FHOD3: variants seen among roughly 807,000 people sequenced by gnomAD.
FHOD3 encodes the protein formin homology 2 domain containing 3, also known as FH1/FH2 domain-containing protein 3.
FHOD3 carries 90 observed loss-of-function variants against 173.0 expected under a neutral mutation model. The ratio of observed to expected loss-of-function variants is 0.52; its 90% CI spans 0.44 to 0.62. The LOEUF (loss-of-function observed/expected upper bound fraction) is 0.62. Among genes scored for constraint, FHOD3 ranks in the 20% least tolerant of loss-of-function variants. FHOD3 has a pLI of 0.00. For missense variants in FHOD3, 1,945 were observed against 2,034.7 expected (o/e 0.96, Z 0.85); for synonymous variants, 828 against 823.0 (o/e 1.01, Z -0.10).
intron 14 of FHOD3, among the ~76,000 whole-genome samples, chr18:36,675,226 A>C (rs1005544097): frequency 1.3e-5 from 2 of 152,000 alleles, no homozygotes; most frequent in African/African-American, 4.8e-5. Flanking sequence ...TGGCCATGCA[A>C]GTTCTTAGCT....
intron 20 of FHOD3, among the ~76,000 whole-genome samples, chr18:36,740,430 T>G (rs1444978115): frequency 6.6e-6 from 1 of 152,208 alleles, no homozygotes; most frequent in Non-Finnish European, 1.5e-5. Context: ...TTTTTCATCT[T>G]TCTCTCACCT....
chr18:36,704,171 T>TC (rs1400834827), intron 17 of FHOD3, among the ~76,000 whole-genome samples: 1 of 152,192 alleles, frequency 6.6e-6, no homozygotes, highest in African/African-American at 2.4e-5. Context: ...GCCCTTCTAT[T>TC]CCCCCTACCC....
At chr18:36,590,962 G>C (rs78516339) in intron 6 of FHOD3, among the ~76,000 whole-genome samples, 2,064 of 152,286 alleles carry the variant, frequency 0.014, 47 homozygotes, top group African/African-American at 0.047. Flanking sequence ...CCAGCTAATG[G>C]GGGGAGTGGG....
intron 19 of FHOD3, among the ~76,000 whole-genome samples, chr18:36,727,959 A>T (rs1274917905): frequency 1.3e-5 from 2 of 152,162 alleles, no homozygotes; most frequent in Non-Finnish European, 2.9e-5. Context: ...TTCCCAGGGA[A>T]TCCCTGCTGC....
chr18:36,388,523 C>A (rs2048136992), intron 3 of FHOD3, among the ~76,000 whole-genome samples: 6 of 152,142 alleles, frequency 3.9e-5, no homozygotes, highest in Admixed American at 3.9e-4. Flanking sequence ...CCCCAGGGGT[C>A]TTTTAGGATT....
chr18:36,752,935 C>G (rs1235579538), intron 24 of FHOD3, among the ~76,000 whole-genome samples: 7 of 152,074 alleles, frequency 4.6e-5, no homozygotes, highest in Non-Finnish European at 1.0e-4. Flanking sequence ...CTGTACTGTC[C>G]TATCCTAATA....
chr18:36,426,993 C>A (rs934994858), intron 3 of FHOD3, among the ~76,000 whole-genome samples: 1 of 152,108 alleles, frequency 6.6e-6, no homozygotes, highest in Non-Finnish European at 1.5e-5. Flanking sequence ...GTCTTCACAG[C>A]CTTTGCTTTT....
intron 6 of FHOD3, among the ~76,000 whole-genome samples, chr18:36,591,998 C>T (rs1445775920): frequency 6.6e-6 from 1 of 152,214 alleles, no homozygotes; most frequent in African/African-American, 2.4e-5. Context: ...GCAGGCAGAT[C>T]ACCTGAAGTC....
chr18:36,621,056 C>G (rs777188214), intron 9 of FHOD3, among the ~76,000 whole-genome samples: 3 of 152,164 alleles, frequency 2.0e-5, no homozygotes, highest in Non-Finnish European at 2.9e-5. Flanking sequence ...AACTCCATTT[C>G]AGAAGGGTGA....
At chr18:36,615,008 G>A (rs1238551530) in intron 9 of FHOD3, among the ~76,000 whole-genome samples, 3 of 151,838 alleles carry the variant, frequency 2.0e-5, no homozygotes, top group African/African-American at 4.8e-5. Flanking sequence ...GTGCCACCAC[G>A]CCCAGCTAAT....
intron 3 of FHOD3, among the ~76,000 whole-genome samples, chr18:36,466,047 C>A (rs1338410655): frequency 1.3e-5 from 2 of 152,072 alleles, no homozygotes; most frequent in Non-Finnish European, 2.9e-5. Context: ...GCCCTCTCAC[C>A]CACCCCCAAT....
At chr18:36,546,256 G>T (rs186660352) in intron 5 of FHOD3, among the ~76,000 whole-genome samples, 120 of 152,276 alleles carry the variant, frequency 7.9e-4, no homozygotes, top group African/African-American at 2.9e-3. Context: ...ACCACCCCTG[G>T]TATGTACTAA....
At chr18:36,630,369 A>C (rs2034424664) in intron 10 of FHOD3, among the ~76,000 whole-genome samples, 1 of 149,110 alleles carries the variant, frequency 6.7e-6, no homozygotes, top group Non-Finnish European at 1.5e-5. Flanking sequence ...TTTACAGTAG[A>C]GTCTTTTTTT....
At chr18:36,528,793 G>A (rs1018336337) in intron 5 of FHOD3, among the ~76,000 whole-genome samples, 3 of 152,316 alleles carry the variant, frequency 2.0e-5, no homozygotes, top group South Asian at 2.1e-4. Context: ...AGTGCTGAAC[G>A]ACGTTCGTTG....
chr18:36,698,925 G>T (rs1036245811), intron 17 of FHOD3, among the ~76,000 whole-genome samples: 4 of 152,170 alleles, frequency 2.6e-5, no homozygotes, highest in African/African-American at 9.7e-5. Flanking sequence ...GAGCCTTGGG[G>T]ACCTGAACTC....
chr18:36,448,333 A>G (rs567526492), intron 3 of FHOD3, among the ~76,000 whole-genome samples: 2 of 152,302 alleles, frequency 1.3e-5, no homozygotes, highest in East Asian at 3.9e-4. Flanking sequence ...GCCCAAAACA[A>G]TGGATGTGTA....
At chr18:36,704,743 AG>A (rs1439844016) in intron 17 of FHOD3, among the ~76,000 whole-genome samples, 1 of 152,124 alleles carries the variant, frequency 6.6e-6, no homozygotes, top group Non-Finnish European at 1.5e-5. Flanking sequence ...AGAGATCGTG[AG>A]GGCTTCGGAA....
intron 3 of FHOD3, among the ~76,000 whole-genome samples, chr18:36,375,647 A>T (rs1367805941): frequency 6.6e-6 from 1 of 152,176 alleles, no homozygotes; most frequent in Non-Finnish European, 1.5e-5. Context: ...ACCCTTTGGG[A>T]TGAGAGTGTG....
At chr18:36,663,793 C>G (rs984354778) in intron 14 of FHOD3, among the ~76,000 whole-genome samples, 1 of 152,222 alleles carries the variant, frequency 6.6e-6, no homozygotes, top group African/African-American at 2.4e-5. Context: ...GCCAGGCTTG[C>G]CTTTTGACTA....
Sources: allele counts gnomAD v4.1 joint callset (sites outside exome capture counted in the v4.1 genomes callset), GRCh38; gene constraint gnomAD v4.1.1; transcripts MANE v1.5; gene names NCBI Gene and HGNC (gene_info 2026-07-23, HGNC 2026-07-21).